The following NPAS2 variants were observed in gnomAD, a reference collection of about 807,000 sequenced individuals.
NPAS2 encodes the protein neuronal PAS domain protein 2.
In NPAS2, 23 loss-of-function variants were observed where a neutral mutation model predicts 107.5. The observed-to-expected ratio is 0.21, with a 90% CI of 0.15 to 0.30. NPAS2 has a LOEUF of 0.30. Ranked by LOEUF, NPAS2 falls within the 10% of genes least tolerant of loss-of-function variation. NPAS2 has a pLI of 1.00. For missense variants in NPAS2, 756 were observed against 1,043.3 expected (o/e 0.72, Z 3.79); for synonymous variants, 403 against 417.5 (o/e 0.97, Z 0.42).
At chr2:100,991,711 C>T (rs774965672) in intron 19 of NPAS2, among the ~76,000 whole-genome samples, 17 of 152,176 alleles carry the variant, frequency 1.1e-4, no homozygotes, top group African/African-American at 3.9e-4. Flanking sequence ...CCGATAAAAA[C>T]CCTAGGGTGT....
chr2:100,873,949 G>A (rs1017732413), intron 1 of NPAS2, among the ~76,000 whole-genome samples: 2 of 152,172 alleles, frequency 1.3e-5, no homozygotes, highest in East Asian at 1.9e-4. Context: ...TTGTTCAGCT[G>A]GCAGTTTTAT....
chr2:100,973,776 C>T (rs139544589), intron 12 of NPAS2, among the ~76,000 whole-genome samples: 34 of 152,294 alleles, frequency 2.2e-4, no homozygotes, highest in African/African-American at 7.7e-4. Context: ...GCTAGGAATG[C>T]GGCTCAGGAG....
chr2:100,824,904 G>A (rs1266787773), intron 1 of NPAS2, among the ~76,000 whole-genome samples: 1 of 152,224 alleles, frequency 6.6e-6, no homozygotes, highest in Non-Finnish European at 1.5e-5. Flanking sequence ...GGAAGGAAAA[G>A]CAGAGGAACC....
At chr2:100,922,807 A>T (rs1422480154) in intron 2 of NPAS2, among the ~76,000 whole-genome samples, 2 of 152,188 alleles carry the variant, frequency 1.3e-5, no homozygotes, top group Non-Finnish European at 2.9e-5. Context: ...CCGGAGGCGG[A>T]TGGAAACAAG....
At chr2:100,841,688 C>G (rs578043901) in intron 1 of NPAS2, among the ~76,000 whole-genome samples, 1 of 152,140 alleles carries the variant, frequency 6.6e-6, no homozygotes, top group African/African-American at 2.4e-5. Flanking sequence ...CATACACACA[C>G]AAATACATTT....
intron 1 of NPAS2, chr2:100,846,781 T>C (rs1277266908): frequency 4.6e-5 from 7 of 152,230 alleles, no homozygotes; most frequent in Non-Finnish European, 1.0e-4. Flanking sequence ...CCATAAAGTG[T>C]TGAAAATGCC....
chr2:100,982,617 A>G (rs1677521308), intron 16 of NPAS2: 1 of 561,554 alleles, frequency 1.8e-6, no homozygotes, highest in Non-Finnish European at 3.2e-6. Context: ...TGACAGGCAC[A>G]TCTGCTCACT....
chr2:100,982,971 GTT>G (rs1677549369), intron 16 of NPAS2: 1 of 152,728 alleles, frequency 6.5e-6, no homozygotes, highest in South Asian at 2.1e-4. Flanking sequence ...TTGGAGAGGT[GTT>G]GTTTTGTTTT....
In NPAS2 at chr2:100,990,825, T is replaced by C. The variant is rs766775321; in HGVS notation, c.2064T>C (p.Cys688=). 1 of 1,614,122 alleles carries C rather than the reference T, an allele frequency of 6.2e-7. No homozygotes were observed. Among genetic ancestry groups the C allele is most frequent in the African/African-American group, 1.3e-5 (1 of 75,032 alleles). The part of the protein sequence containing the change: ...QPIQPMMPGS[C]DARQPSEVSR... ...TCCAGCCCATGATGCCCGGGTCCTGTGACGCAAGGCAGCCCTCGGAAGTCA... is the reference window on the plus strand; with the variant it reads ...TCCAGCCCATGATGCCCGGGTCCTGCGACGCAAGGCAGCCCTCGGAAGTCA... The change falls in exon 19 of 21, where the codon TGT becomes TGC. Residue 688 remains cysteine (C), a synonymous_variant. Coordinates refer to ENST00000335681, the MANE Select transcript of NPAS2 (RefSeq NM_002518.4).
intron 15 of NPAS2, among the ~76,000 whole-genome samples, chr2:100,981,287 G>T (rs1052183949): frequency 6.6e-6 from 1 of 152,060 alleles, no homozygotes; most frequent in Non-Finnish European, 1.5e-5. Context: ...TTGAGGGAGT[G>T]GAGGTTAAAT....
chr2:100,972,426 G>C (rs775604703), intron 12 of NPAS2, among the ~76,000 whole-genome samples: 1 of 152,208 alleles, frequency 6.6e-6, no homozygotes, highest in Non-Finnish European at 1.5e-5. Context: ...CAGTGACTGC[G>C]AATCCAGAGC....
chr2:100,911,907 C>T (rs1682570849), intron 2 of NPAS2, among the ~76,000 whole-genome samples: 1 of 152,206 alleles, frequency 6.6e-6, no homozygotes, highest in Admixed American at 6.5e-5. Flanking sequence ...GCTGGGATTA[C>T]AGGTGTGAGC....
At chr2:100,846,993 C>CA (rs1479828169) in intron 1 of NPAS2, 1 of 152,240 alleles carries the variant, frequency 6.6e-6, no homozygotes, top group African/African-American at 2.4e-5. Context: ...TGTGTCTCCC[C>CA]AAAACATAAA....
intron 7 of NPAS2, among the ~76,000 whole-genome samples, chr2:100,952,496 G>A (rs953637629): frequency 1.5e-4 from 23 of 152,026 alleles, no homozygotes; most frequent in South Asian, 6.2e-4. Context: ...CCTGGGAGGC[G>A]GAAGTTGCAG....
chr2:100,858,941 A>C (rs1407644681), intron 1 of NPAS2, among the ~76,000 whole-genome samples: 2 of 152,180 alleles, frequency 1.3e-5, no homozygotes, highest in African/African-American at 4.8e-5. Context: ...ACGCCTCAAG[A>C]ATATAAGTTG....
intron 10 of NPAS2, among the ~76,000 whole-genome samples, chr2:100,966,869 T>A (rs1409086878): frequency 1.3e-5 from 2 of 152,154 alleles, no homozygotes; most frequent in African/African-American, 2.4e-5. Context: ...AATGCTTGGA[T>A]TACAGGCATA....
chr2:100,912,547 G>T (rs933601466), intron 2 of NPAS2, among the ~76,000 whole-genome samples: 3 of 152,178 alleles, frequency 2.0e-5, no homozygotes, highest in Non-Finnish European at 4.4e-5. Context: ...GGGAGTGCCT[G>T]TTTCGTTCCA....
intron 1 of NPAS2, among the ~76,000 whole-genome samples, chr2:100,863,614 C>A (rs1679074031): frequency 6.6e-6 from 1 of 152,178 alleles, no homozygotes; most frequent in Admixed American, 6.5e-5. Context: ...AATAGCTTTT[C>A]TTTCTTTCTT....
intron 11 of NPAS2, among the ~76,000 whole-genome samples, chr2:100,969,981 T>C (rs906500974): frequency 6.6e-6 from 1 of 152,188 alleles, no homozygotes; most frequent in Non-Finnish European, 1.5e-5. Flanking sequence ...ACACCATACA[T>C]GTATCAGGTC....
Sources: gnomAD v4.1 joint callset for allele counts (sites outside exome capture counted in the v4.1 genomes callset) on GRCh38, gnomAD v4.1.1 for gene constraint, MANE v1.5 for transcripts, NCBI Gene and HGNC (gene_info 2026-07-23, HGNC 2026-07-21) for gene names.